The following TDRD9 variants were observed in gnomAD, a reference collection of about 807,000 sequenced individuals.
TDRD9 encodes ATP-dependent RNA helicase TDRD9.
In TDRD9, 124 loss-of-function variants were observed where a neutral mutation model predicts 172.6. The ratio of observed to expected loss-of-function variants is 0.72; its 90% confidence interval spans 0.62 to 0.83. The LOEUF is 0.83. Among genes scored for constraint, TDRD9 ranks in the 40% least tolerant of loss-of-function variants. The pLI is 0.00. For missense variants in TDRD9, 1,479 were observed against 1,714.1 expected, an observed-to-expected ratio of 0.86 and a Z score of 2.42; for synonymous variants, 619 against 617.1, an observed-to-expected ratio of 1.00 and a Z score of -0.05.
At chr14:104,016,768 A>G (rs1010455313) in intron 22 of TDRD9, among the ~76,000 whole-genome samples, 1 of 152,216 alleles carries the variant, frequency 6.6e-6, no homozygotes, top group Non-Finnish European at 1.5e-5. Flanking sequence ...ATGTGCCTGT[A>G]TCTGATAAGG....
chr14:104,012,794 C>T lies in TDRD9; in HGVS notation c.2107-1931C>T, dbSNP rs1350371553. On this transcript the variant is annotated intron_variant, in intron 20 of 35. Coordinates refer to ENST00000409874, the MANE Select transcript of TDRD9 (RefSeq NM_153046.3). ...TGTCTCCCAGACTGGAATGCAGTGG[C>T]ATAACCATAGCTCACTGCAGCCTCA... 2.0e-5 allele frequency among the ~76,000 whole-genome samples: 3 copies of T among 152,096 alleles called. No homozygotes were observed. The East Asian group carries it at 5.8e-4, about 29-fold the overall frequency.
rs766492220 is a variant in TDRD9 at position 103,986,258 on chromosome 14, T to C, written c.1053T>C (p.Asp351=). ...TGGAGGAACCGGTGATAACTAAGGA[T>C]ATATATGAAGTTGCTGTCTCTCTCA... is the stretch of plus-strand genomic sequence containing the variant. ...HLLEEPVITK[D]IYEVAVSLIQ... Residue 351 remains aspartate (D), a synonymous_variant, in exon 8 of 36, where the codon GAT becomes GAC. Transcript: ENST00000409874. 6.2e-7 allele frequency: 1 copy of C among 1,613,512 alleles called. No individual in the cohort carries two copies. The highest frequency in any genetic ancestry group is 1.1e-5 in the South Asian group (1 of 90,952).
chr14:103,935,086 G>A (rs773668413), intron 1 of TDRD9, among the ~76,000 whole-genome samples: 1 of 152,182 alleles, frequency 6.6e-6, no homozygotes, highest in Non-Finnish European at 1.5e-5. Context: ...CTTTGGACTC[G>A]GACTGCAACC....
In TDRD9 at chr14:104,022,295, G is replaced by T. The variant is rs2034979409; in HGVS notation, c.2571G>T (p.Val857=). The T allele has an allele frequency of 6.2e-7, 1 of 1,613,788 alleles. No homozygotes were observed. The highest frequency in any genetic ancestry group is 1.7e-5 in the Admixed American group (1 of 59,992). The change falls in exon 24 of 36, where the codon GTG becomes GTT. Residue 857 remains valine, a synonymous_variant. Transcript: ENST00000409874. ...VHSAEEIEGK[V]QGMNVSKLRN... ...CTGCAGAGGAAATTGAAGGGAAGGT[G>T]CAAGGCATGAACGTCTCAAAGCTCA...
chr14:103,986,196 T>C, intron 7 of TDRD9, 21 bp from the exon 8 acceptor site: 4 of 1,604,090 alleles, frequency 2.5e-6, no homozygotes, highest in Non-Finnish European at 2.6e-6. Flanking sequence ...TATTGCGACT[T>C]TTTTCTTTCA....
At position 103,963,272 on chromosome 14, in the gene TDRD9, G is replaced by T. The variant is rs2032594520; in HGVS notation, c.420+96G>T. 5 of 865,506 alleles carry T rather than the reference G, an allele frequency of 5.8e-6. No homozygotes were observed. In the South Asian group the frequency reaches 8.6e-5, roughly 15 times the overall value. The allele number at this position is 865,506 out of a possible 1,614,324, so 53.6% of individuals were successfully genotyped here. ...TAATTTGAAAGTTACCAGTTGCCAG[G>T]TGAACACTTCTGTGGTGTACAAGGT... On this transcript the variant is annotated intron_variant, in intron 3 of 35. Transcript: ENST00000409874.
At chr14:103,977,557 A>G (rs1379758769) in intron 7 of TDRD9, among the ~76,000 whole-genome samples, 1 of 142,678 alleles carries the variant, frequency 7.0e-6, no homozygotes, top group Admixed American at 7.0e-5. Flanking sequence ...CTCCTTGTAT[A>G]TTCTGGGTAT....
chr14:103,937,869 A>ATTTTTTTTTTTTTTTTTTTT (rs2030877082), intron 1 of TDRD9, among the ~76,000 whole-genome samples: 4 of 130,842 alleles, frequency 3.1e-5, no homozygotes, highest in African/African-American at 1.1e-4. Context: ...TTTTTTTTTA[A>ATTTTTTTTTTTTTTTTTTTT]TTTTCTTTTT....
intron 32 of TDRD9, among the ~76,000 whole-genome samples, chr14:104,035,396 A>G (rs1187511490): frequency 1.3e-5 from 2 of 152,186 alleles, no homozygotes; most frequent in South Asian, 2.1e-4. Flanking sequence ...TGTGATTCCA[A>G]GTTTTCTGGT....
chr14:103,987,689 A>C (rs147591269), intron 8 of TDRD9, among the ~76,000 whole-genome samples: 1 of 152,298 alleles, frequency 6.6e-6, no homozygotes, highest in Admixed American at 6.5e-5. Flanking sequence ...GTTCTGGAGA[A>C]TATTACACGT....
At chr14:104,005,446 G>C (rs762015246) in intron 15 of TDRD9, 41 bp downstream of exon 15, 2 of 1,607,780 alleles carry the variant, frequency 1.2e-6, no homozygotes, top group African/African-American at 2.7e-5. Flanking sequence ...CATCTGTAGA[G>C]CTGTGTTCTA....
At chr14:103,953,161 C>G (rs143516625) in intron 1 of TDRD9, among the ~76,000 whole-genome samples, 1 of 152,106 alleles carries the variant, frequency 6.6e-6, no homozygotes, top group African/African-American at 2.4e-5. Flanking sequence ...TGCTCAAAAC[C>G]CATCTTATTC....
intron 2 of TDRD9, among the ~76,000 whole-genome samples, chr14:103,957,938 T>C (rs1470539907): frequency 6.6e-6 from 1 of 152,226 alleles, no homozygotes; most frequent in Non-Finnish European, 1.5e-5. Context: ...TCTTTATGCA[T>C]GGTATCATAA....
At chr14:104,047,499 C>T (rs995778643) in intron 34 of TDRD9, among the ~76,000 whole-genome samples, 2 of 152,096 alleles carry the variant, frequency 1.3e-5, no homozygotes, top group East Asian at 1.9e-4. Flanking sequence ...CTTTAGCTAC[C>T]ATTTGTGAGC....
Position 104,022,309 on chromosome 14 carries a change from T to C in TDRD9, c.2585T>C (p.Val862Ala), listed in dbSNP as rs909939350. The change falls in exon 24 of 36, where the codon GTC becomes GCC. Residue 862 changes from valine to alanine, a missense_variant. This residue lies in a region of TDRD9 where 1,413 missense variants were observed against 1,649.1 expected (regional missense o/e 0.86). Coordinates refer to ENST00000409874, the MANE Select transcript of TDRD9 (RefSeq NM_153046.3). ...GAAGGGAAGGTGCAAGGCATGAACG[T>C]CTCAAAGCTCAGGAACACAAGGTAT... ...EIEGKVQGMNVSKLRNTRVNV... is the reference protein window; with the variant it reads ...EIEGKVQGMNASKLRNTRVNV... The C allele has an allele frequency of 6.2e-7, 1 of 1,612,626 alleles. No individual in the cohort carries two copies. The highest frequency in any genetic ancestry group is 8.5e-7 in the Non-Finnish European group (1 of 1,179,336).
intron 13 of TDRD9, among the ~76,000 whole-genome samples, chr14:104,000,131 G>A (rs1250867484): frequency 1.3e-5 from 2 of 151,672 alleles, no homozygotes; most frequent in Non-Finnish European, 2.9e-5. Context: ...GTTCGAGACC[G>A]GCCTGGACAA....
chr14:104,021,327 G>A (rs1333515153), intron 23 of TDRD9, among the ~76,000 whole-genome samples: 2 of 152,146 alleles, frequency 1.3e-5, no homozygotes, highest in Admixed American at 1.3e-4. Flanking sequence ...GATTTGGGCA[G>A]GGACACAGAT....
chr14:103,967,844 TA>T (rs1416843700), intron 5 of TDRD9, among the ~76,000 whole-genome samples: 1 of 152,218 alleles, frequency 6.6e-6, no homozygotes, highest in Admixed American at 6.5e-5. Flanking sequence ...AATTCAGATT[TA>T]ATAGATAATA....
At chr14:103,995,095 C>T (rs1391763043) in intron 11 of TDRD9, among the ~76,000 whole-genome samples, 1 of 152,120 alleles carries the variant, frequency 6.6e-6, no homozygotes. Context: ...TGCTAAAAAG[C>T]TAAGATTTTT....
Sources: gnomAD v4.1 joint callset for allele counts (sites outside exome capture counted in the v4.1 genomes callset) on GRCh38, gnomAD v4.1.1 for gene constraint, gnomAD v4.1.1 regional missense constraint, MANE v1.5 for transcripts, NCBI Gene and HGNC (gene_info 2026-07-23, HGNC 2026-07-21) for gene names.